KCNK6: variants seen among roughly 807,000 people sequenced by gnomAD.
KCNK6 encodes potassium two pore domain channel subfamily K member 6, also known as potassium channel subfamily K member 6.
A neutral mutation model predicts 21.9 loss-of-function variants in KCNK6; 20 were observed. That is an observed-to-expected ratio of 0.91 (90% confidence interval 0.64 to 1.32). The LOEUF is 1.32. Ranked by LOEUF, KCNK6 falls within the 40% of genes most tolerant of loss-of-function variation. KCNK6 has a pLI of 0.00. For synonymous variants in KCNK6, 210 were observed against 218.0 expected (o/e 0.96, Z 0.32); for missense variants, 415 against 433.1 (o/e 0.96, Z 0.37).
In KCNK6 at chr19:38,320,207, C is replaced by T; in HGVS notation, c.257C>T (p.Ala86Val). 1.2e-6 allele frequency: 2 copies of T among 1,603,048 alleles called. No individual in the cohort carries two copies. Among genetic ancestry groups the T allele is most frequent in the Non-Finnish European group, 1.7e-6 (2 of 1,179,586 alleles). ...VLANASGSAN[A>V]SDPAWDFASA... ...GCTAACGCTTCGGGGTCCGCCAACGCCTCGGACCCCGCCTGGGACTTCGCC... is the reference window on the plus strand; with the variant it reads ...GCTAACGCTTCGGGGTCCGCCAACGTCTCGGACCCCGCCTGGGACTTCGCC... The change falls in exon 1 of 3, where the codon GCC becomes GTC. Residue 86 changes from alanine to valine, a missense_variant. Transcript: ENST00000263372.
Position 38,320,134 on chromosome 19 carries a change from T to C in KCNK6, c.184T>C (p.Phe62Leu). 2.5e-6 allele frequency: 4 copies of C among 1,591,070 alleles called. No homozygotes were observed. The highest frequency in any genetic ancestry group is 3.4e-6 in the Non-Finnish European group (4 of 1,175,880). ...TGTGGCTGCCCCCGCCCTGGACGCC[T>C]TCGTGGAGCGAGTGCTGGCGGCCGG... ...PCVAAPALDA[F>L]VERVLAAGRL... The change falls in exon 1 of 3, where the codon TTC becomes CTC. Residue 62 changes from phenylalanine to leucine, a missense_variant. By Grantham distance (22) the Phe-to-Leu change is conservative (BLOSUM62 0). Transcript: ENST00000263372.
intron 1 of KCNK6, 66 bp from the exon 2 acceptor site, chr19:38,326,527 G>T: frequency 2.6e-6 from 4 of 1,517,818 alleles, no homozygotes; most frequent in East Asian, 4.5e-5. Flanking sequence ...CTCCAGCCCG[G>T]GTGACAGAGT....
In KCNK6 at chr19:38,326,961, C is replaced by T. The variant is rs553235571; in HGVS notation, c.691C>T (p.Arg231Trp). The change falls in exon 2 of 3, where the codon CGG becomes TGG. Residue 231 changes from arginine to tryptophan, a missense_variant. Coordinates refer to ENST00000263372, the MANE Select transcript of KCNK6 (RefSeq NM_004823.3). ...VPGEAPGQPY[R>W]ALYKVLVTVY... ...CGGGGAGGCCCCTGGCCAGCCCTACCGGGCCCTCTACAAGGTGCTGGTCAC... is the reference window on the plus strand; with the variant it reads ...CGGGGAGGCCCCTGGCCAGCCCTACTGGGCCCTCTACAAGGTGCTGGTCAC... The T allele has an allele frequency of 1.1e-5, 18 of 1,604,942 alleles. No homozygotes were observed. The East Asian group carries it at 1.3e-4, about 12-fold the overall frequency.
chr19:38,326,673 ATGC>A lies in KCNK6; in HGVS notation c.412_414del (p.Leu138del). The A allele has an allele frequency of 6.2e-7, 1 of 1,608,040 alleles. No individual in the cohort carries two copies. ...TGCGCTCCTGGGCGTGCCGACCACC[ATGC>A]TGCTGCTGACCGCCTCAGCCCAGCG... On this transcript the variant is annotated inframe_deletion, in exon 2 of 3. Transcript: ENST00000263372.
chr19:38,320,345 G>A (rs533472694), intron 1 of KCNK6, 73 bp downstream of exon 1: 1 of 1,514,334 alleles, frequency 6.6e-7, no homozygotes, highest in African/African-American at 1.4e-5. Flanking sequence ...TGGGGACCCC[G>A]GGGCCCTCAC....
rs1969725565 is a variant in KCNK6 at position 38,327,454 on chromosome 19, T to A, written c.*51T>A. On this transcript the variant is annotated 3_prime_UTR_variant, in exon 3 of 3. Coordinates refer to ENST00000263372, the MANE Select transcript of KCNK6 (RefSeq NM_004823.3). The stretch of plus-strand genomic sequence containing the variant: ...GTGTGCCTGGCCTGGGACTGAGGGG[T>A]CCAGGCGACCAGAGCTGGCTGTACA... 1 of 1,546,178 alleles carries A rather than the reference T, an allele frequency of 6.5e-7. No individual in the cohort carries two copies. Among genetic ancestry groups the A allele is most frequent in the Admixed American group, 1.7e-5 (1 of 58,696 alleles).
chr19:38,321,714 C>T (rs1385470636), intron 1 of KCNK6, among the ~76,000 whole-genome samples: 2 of 152,254 alleles, frequency 1.3e-5, no homozygotes, highest in Non-Finnish European at 2.9e-5. Context: ...TTTTGGTCCC[C>T]TGGCAGCAGA....
At chr19:38,321,383 G>T (rs1969650398) in intron 1 of KCNK6, among the ~76,000 whole-genome samples, 1 of 152,142 alleles carries the variant, frequency 6.6e-6, no homozygotes, top group Non-Finnish European at 1.5e-5. Context: ...CCTATATGGG[G>T]TCACTCTCAA....
In KCNK6 at chr19:38,320,009, TGGG is replaced by T. The variant is rs1238401735; in HGVS notation, c.60_62del (p.Gly21del). On this transcript the variant is annotated inframe_deletion, in exon 1 of 3. Coordinates refer to ENST00000263372, the MANE Select transcript of KCNK6 (RefSeq NM_004823.3). ...GCCGCGTACGCCGCGTACCTGGTGC[TGGG>T]CGCGCTGTTGGTGGCGCGGCTGGAG... The T allele has an allele frequency of 2.7e-6, 4 of 1,490,608 alleles. No homozygotes were observed. The African/African-American group carries it at 5.9e-5, about 22-fold the overall frequency. The allele number at this position is 1,490,608 out of a possible 1,614,324, so 92.3% of individuals were successfully genotyped here. A position where few individuals can be genotyped will look rare whatever the true frequency, so the allele number is the denominator to read the frequency against.
intron 1 of KCNK6, chr19:38,325,343 C>T: frequency 2.1e-6 from 2 of 935,838 alleles, no homozygotes; most frequent in Non-Finnish European, 2.5e-6. Flanking sequence ...TCTTGAACTC[C>T]TGACCTCATA....
rs1969728283 is a variant in KCNK6, at chr19:38,327,698, C to G, written c.*295C>G. On this transcript the variant is annotated 3_prime_UTR_variant, in exon 3 of 3. Coordinates refer to ENST00000263372, the MANE Select transcript of KCNK6 (RefSeq NM_004823.3). ...GGCATTCTCGCTGCCTCTGTCTTTC[C>G]CTCTTGCTGTCTCTGTTTCTCATTC... 2.2e-6 allele frequency: 1 copy of G among 457,678 alleles called. No homozygotes were observed. Among genetic ancestry groups the G allele is most frequent in the Middle Eastern group, 5.9e-4 (1 of 1,692 alleles). The allele number at this position is 457,678 out of a possible 1,614,324, so 28.4% of individuals were successfully genotyped here.
Position 38,327,749 on chromosome 19 carries a change from C to A in KCNK6, c.*346C>A. ...TCTTTCATGTTCCGTCTGTGTCTCT[C>A]AATTAACCACTCGTCAACTGCTGAT... On this transcript the variant is annotated 3_prime_UTR_variant, in exon 3 of 3. Transcript: ENST00000263372. 1 of 323,168 alleles carries A rather than the reference C, an allele frequency of 3.1e-6. No homozygotes were observed. The highest frequency in any genetic ancestry group is 5.9e-6 in the Non-Finnish European group (1 of 169,520). The allele number at this position is 323,168 out of a possible 1,614,324, so 20.0% of individuals were successfully genotyped here.
rs1969727205 is a variant in KCNK6 at position 38,327,600 on chromosome 19, C to T, written c.*197C>T. 1.7e-6 allele frequency: 1 copy of T among 601,172 alleles called. No individual in the cohort carries two copies. Among genetic ancestry groups the T allele is most frequent in the Non-Finnish European group, 3.0e-6 (1 of 338,130 alleles). The allele number at this position is 601,172 out of a possible 1,614,324, so 37.2% of individuals were successfully genotyped here. On this transcript the variant is annotated 3_prime_UTR_variant, in exon 3 of 3. Transcript: ENST00000263372. ...CTCCCTGTCCCCATGTCCCGGGCTC[C>T]ACTGGGCACCAACATAACCTTGTTC...
At chr19:38,325,640 G>T in intron 1 of KCNK6, 4 of 646,396 alleles carry the variant, frequency 6.2e-6, no homozygotes, top group Non-Finnish European at 7.7e-6. Flanking sequence ...TTGGGTAAGA[G>T]GATGTTACCA....
Position 38,320,115 on chromosome 19 carries a change from T to A in KCNK6, c.165T>A (p.Ala55=). The part of the protein sequence containing the change: ...AQLLQRSPCV[A]APALDAFVER... ...TGCTTCAGCGCAGCCCGTGTGTGGCTGCCCCCGCCCTGGACGCCTTCGTGG... is the reference window on the plus strand; with the variant it reads ...TGCTTCAGCGCAGCCCGTGTGTGGCAGCCCCCGCCCTGGACGCCTTCGTGG... The change falls in exon 1 of 3, where the codon GCT becomes GCA. Residue 55 remains alanine, a synonymous_variant. Transcript: ENST00000263372. 6.3e-7 allele frequency: 1 copy of A among 1,576,866 alleles called. No homozygotes were observed. Among genetic ancestry groups the A allele is most frequent in the East Asian group, 2.3e-5 (1 of 43,192 alleles).
At chr19:38,325,417 T>C (rs1969697701) in intron 1 of KCNK6, 2 of 985,362 alleles carry the variant, frequency 2.0e-6, no homozygotes, top group Non-Finnish European at 2.4e-6. Flanking sequence ...GCCTGGCCCA[T>C]TGTCTCGCCC....
Position 38,326,579 on chromosome 19 carries a change from C to G in KCNK6, c.323-14C>G. 2 of 1,591,492 alleles carry G rather than the reference C, an allele frequency of 1.3e-6. No individual in the cohort carries two copies. The highest frequency in any genetic ancestry group is 8.6e-7 in the Non-Finnish European group (1 of 1,168,626). ...AAGAAAAAGATTTACCCTTTACTCT[C>G]TTTACTCCCCTAGGCTATGGGTACA... On this transcript the variant is annotated splice_polypyrimidine_tract_variant and intron_variant, in intron 1 of 2. Transcript: ENST00000263372.
chr19:38,321,767 A>G (rs1969654294), intron 1 of KCNK6, among the ~76,000 whole-genome samples: 1 of 152,112 alleles, frequency 6.6e-6, no homozygotes, highest in Non-Finnish European at 1.5e-5. Context: ...GGGTCTGCCC[A>G]TGCTGCCAGG....
Position 38,327,806 on chromosome 19 carries a change from A to ATGATAC in KCNK6, c.*403_*404insTGATAC. The ATGATAC allele has an allele frequency of 4.3e-6, 1 of 235,052 alleles. No individual in the cohort carries two copies. The highest frequency in any genetic ancestry group is 8.6e-6 in the Non-Finnish European group (1 of 116,872). 14.6% of individuals were successfully genotyped at this position (235,052 alleles called of 1,614,324 possible). A position where few individuals can be genotyped will look rare whatever the true frequency, so the allele number is the denominator to read the frequency against. On this transcript the variant is annotated 3_prime_UTR_variant, in exon 3 of 3. Coordinates refer to ENST00000263372, the MANE Select transcript of KCNK6 (RefSeq NM_004823.3). ...GGGCTGTGGGCTCAGACCTCATTTC[A>ATGATAC]GGCACCAGATTGGTCGCTACACCCT...
Sources: gnomAD v4.1 joint callset for allele counts (sites outside exome capture counted in the v4.1 genomes callset) on GRCh38, gnomAD v4.1.1 for gene constraint, MANE v1.5 for transcripts, NCBI Gene and HGNC (gene_info 2026-07-23, HGNC 2026-07-21) for gene names.